The following ADRA1B variants were observed in gnomAD, a reference collection of about 807,000 sequenced individuals.
ADRA1B encodes the protein adrenoceptor alpha 1B.
In ADRA1B, 17 loss-of-function variants were observed where a neutral mutation model predicts 17.9. The ratio of observed to expected loss-of-function variants is 0.95; its 90% CI spans 0.65 to 1.42. The LOEUF is 1.42. ADRA1B is among the 40% of genes most tolerant of loss of function. The pLI is 0.00. For synonymous variants in ADRA1B, 366 were observed against 327.6 expected (o/e 1.12, Z -1.27); for missense variants, 681 against 722.1 (o/e 0.94, Z 0.65).
chr5:159,895,855 G>T (rs1347884476), intron 1 of ADRA1B, among the ~76,000 whole-genome samples: 1 of 152,220 alleles, frequency 6.6e-6, no homozygotes, highest in Non-Finnish European at 1.5e-5. Flanking sequence ...GGTGGCTCAT[G>T]CCTGTAATCC....
intron 1 of ADRA1B, among the ~76,000 whole-genome samples, chr5:159,902,449 C>A (rs1754112121): frequency 6.6e-6 from 1 of 151,564 alleles, no homozygotes; most frequent in Non-Finnish European, 1.5e-5. Context: ...TACTTAAAAA[C>A]TGTTAAAGGG....
At chr5:159,931,060 C>A (rs986487903) in intron 1 of ADRA1B, among the ~76,000 whole-genome samples, 1 of 146,780 alleles carries the variant, frequency 6.8e-6, no homozygotes, top group South Asian at 2.1e-4. Context: ...ATATATCTCC[C>A]GCTCTGTGAT....
intron 1 of ADRA1B, among the ~76,000 whole-genome samples, chr5:159,969,237 A>G (rs999921672): frequency 5.9e-5 from 9 of 152,182 alleles, no homozygotes; most frequent in African/African-American, 1.9e-4. Flanking sequence ...ACTTACATCC[A>G]GGTATGGATA....
the ADRA1B span, among the ~76,000 whole-genome samples, chr5:159,988,903 C>T: frequency 1.3e-5 from 2 of 152,184 alleles, no homozygotes; most frequent in Non-Finnish European, 2.9e-5. Context: ...TTACTTGAGG[C>T]CATACATTGA....
downstream of ADRA1B, among the ~76,000 whole-genome samples, chr5:159,973,499 T>C (rs899347664): frequency 6.6e-6 from 1 of 152,154 alleles, no homozygotes; most frequent in Admixed American, 6.5e-5. Flanking sequence ...CCCTCACCTT[T>C]GCATTCCCAG....
chr5:159,972,777 C>T lies in ADRA1B; in HGVS notation c.*285C>T, dbSNP rs1312104044. On this transcript the variant is annotated 3_prime_UTR_variant, in exon 2 of 2. Transcript: ENST00000306675. ...GTATATATAAACGAGTCCCTCTCTA[C>T]TTGTATTTAACCGTGGGTGCACGTG... Among the ~76,000 whole-genome samples, 2 of 152,180 alleles carry T rather than the reference C, an allele frequency of 1.3e-5. No individual in the cohort carries two copies. The highest frequency in any genetic ancestry group is 4.8e-5 in the African/African-American group (2 of 41,458).
At chr5:159,951,530 A>AGAAGATGCAGCTGTCTGTC (rs1755440109) in intron 1 of ADRA1B, 2 of 632,784 alleles carry the variant, frequency 3.2e-6, no homozygotes, top group East Asian at 5.7e-5. Flanking sequence ...GCAATGCACG[A>AGAAGATGCAGCTGTCTGTC]GAAGATGCAG....
At chr5:159,899,166 GAAAAGAAAAGAAA>G (rs558287615) in intron 1 of ADRA1B, among the ~76,000 whole-genome samples, 21 of 140,000 alleles carry the variant, frequency 1.5e-4, no homozygotes, top group South Asian at 1.2e-3. Flanking sequence ...AAGGAAGAAA[GAAAAGAAAAGAAA>G]AAAAGAAAAG....
Position 159,881,409 on chromosome 5 carries a change from T to C in ADRA1B, c.-256+16203T>C, listed in dbSNP as rs551831164. Among the ~76,000 whole-genome samples, 19 of 152,032 alleles carry C rather than the reference T, an allele frequency of 1.2e-4. No individual in the cohort carries two copies. The South Asian group carries it at 3.8e-3, about 30-fold the overall frequency. On this transcript the variant is annotated intron_variant, in intron 1 of 2. Transcript: ENST00000641205. ...TCTATATCTACCTTCATTTTGTGTA[T>C]CTACTACATTCTCTTCTTGGCATGC...
intron 1 of ADRA1B, 55 bp downstream of exon 1, chr5:159,917,909 T>G (rs1754374837): frequency 1.4e-6 from 2 of 1,446,600 alleles, no homozygotes; most frequent in African/African-American, 2.8e-5. Flanking sequence ...TTGGGTTTAC[T>G]GATGAGCTTA....
At chr5:159,869,034 G>T (rs1753701623) in intron 1 of ADRA1B, 1 of 152,152 alleles carries the variant, frequency 6.6e-6, no homozygotes. Context: ...AAATCAAAAA[G>T]GCAGCAGAGA....
chr5:159,888,574 C>T (rs1475547799), intron 1 of ADRA1B: 1 of 152,062 alleles, frequency 6.6e-6, no homozygotes, highest in East Asian at 1.9e-4. Flanking sequence ...AATCCTAAAA[C>T]CTAGTTATAC....
At chr5:159,897,570 A>T (rs1021763314) in intron 1 of ADRA1B, among the ~76,000 whole-genome samples, 1 of 152,170 alleles carries the variant, frequency 6.6e-6, no homozygotes, top group Non-Finnish European at 1.5e-5. Flanking sequence ...CACTGCCAGA[A>T]ATGTTTCCTC....
chr5:159,881,642 G>A (rs893291853), intron 1 of ADRA1B, among the ~76,000 whole-genome samples: 1 of 152,124 alleles, frequency 6.6e-6, no homozygotes, highest in Non-Finnish European at 1.5e-5. Context: ...GGCTGTATTA[G>A]GCATCTCTTT....
At chr5:159,876,097 G>A (rs1400511060) in intron 1 of ADRA1B, among the ~76,000 whole-genome samples, 1 of 152,176 alleles carries the variant, frequency 6.6e-6, no homozygotes, top group Non-Finnish European at 1.5e-5. Context: ...GCTGAGGCAG[G>A]AGAATCGCTT....
At chr5:159,948,174 G>A (rs1755328866) in intron 1 of ADRA1B, 1 of 985,286 alleles carries the variant, frequency 1.0e-6, no homozygotes. Context: ...CCCAGGGCTG[G>A]AGGCATGTTC....
At chr5:159,929,965 C>T (rs531404507) in intron 1 of ADRA1B, among the ~76,000 whole-genome samples, 4 of 152,214 alleles carry the variant, frequency 2.6e-5, no homozygotes, top group Admixed American at 1.3e-4. Flanking sequence ...TATTTTGATT[C>T]GTGGTGTCAT....
chr5:159,881,341 C>CTCTCTCTT (rs1753861950), intron 1 of ADRA1B, among the ~76,000 whole-genome samples: 1 of 150,926 alleles, frequency 6.6e-6, no homozygotes, highest in African/African-American at 2.4e-5. Flanking sequence ...CTCTCTCTCT[C>CTCTCTCTT]TCTCTGCCCT....
intron 1 of ADRA1B, among the ~76,000 whole-genome samples, chr5:159,963,721 C>T (rs982330385): frequency 1.3e-5 from 2 of 152,154 alleles, no homozygotes; most frequent in South Asian, 4.1e-4. Context: ...TGATGAGTGG[C>T]CCTCAGGTTC....
Sources: allele counts gnomAD v4.1 joint callset (sites outside exome capture counted in the v4.1 genomes callset), GRCh38; gene constraint gnomAD v4.1.1; transcripts MANE v1.5; gene names NCBI Gene and HGNC (gene_info 2026-07-23, HGNC 2026-07-21).